The following KIF17 variants were observed in gnomAD, a reference collection of about 807,000 sequenced individuals.
KIF17 encodes kinesin-like protein KIF17.
In KIF17, 80 loss-of-function variants were observed where a neutral mutation model predicts 96.8. The ratio of observed to expected loss-of-function variants is 0.83; its 90% CI spans 0.69 to 1.00. KIF17 has a LOEUF of 1.00. Among genes scored for constraint, KIF17 ranks in the 50% least tolerant of loss-of-function variants. KIF17 has a pLI of 0.00. For synonymous variants in KIF17, 567 were observed against 587.5 expected, an observed-to-expected ratio of 0.97 and a Z score of 0.51; for missense variants, 1,280 against 1,372.9, an observed-to-expected ratio of 0.93 and a Z score of 1.07.
At chr1:20,692,634 AT>A (rs1335084261) in intron 6 of KIF17, 2 of 151,914 alleles carry the variant, frequency 1.3e-5, no homozygotes, top group African/African-American at 4.8e-5. Context: ...CTGAGCTTCT[AT>A]TATGCTATTT....
At chr1:20,669,842 G>C (rs2053606347) in intron 13 of KIF17, among the ~76,000 whole-genome samples, 1 of 111,708 alleles carries the variant, frequency 9.0e-6, no homozygotes. Flanking sequence ...CTCCGGCCTG[G>C]TGACAGAGCG....
chr1:20,686,207 C>T (rs2053936358), intron 8 of KIF17, 81 bp from the exon 9 acceptor site: 2 of 1,208,400 alleles, frequency 1.7e-6, no homozygotes, highest in Non-Finnish European at 1.2e-6. Context: ...CCTGGCCTCA[C>T]TTCAACTCCC....
intron 13 of KIF17, among the ~76,000 whole-genome samples, chr1:20,668,229 G>T (rs959446452): frequency 6.6e-6 from 1 of 151,942 alleles, no homozygotes; most frequent in Middle Eastern, 3.4e-3. Context: ...AGAATGGTGT[G>T]AACCTGGGAG....
intron 11 of KIF17, among the ~76,000 whole-genome samples, chr1:20,674,352 C>G (rs1035552162): frequency 5.3e-5 from 8 of 152,170 alleles, no homozygotes; most frequent in Non-Finnish European, 1.2e-4. Context: ...CCTCGACCTC[C>G]CAGTCCTCCC....
chr1:20,707,990 T>C (rs950227404), intron 4 of KIF17, among the ~76,000 whole-genome samples: 1 of 151,868 alleles, frequency 6.6e-6, no homozygotes, highest in African/African-American at 2.4e-5. Context: ...TTCCCTACCA[T>C]TCCCTACTTT....
At chr1:20,663,424 G>C (rs1219174635), downstream of KIF17, among the ~76,000 whole-genome samples, 1 of 152,074 alleles carries the variant, frequency 6.6e-6, no homozygotes, top group Non-Finnish European at 1.5e-5. Context: ...GGGAGGAGGA[G>C]GACTAACACA....
At chr1:20,701,216 G>A (rs373706085) in intron 5 of KIF17, among the ~76,000 whole-genome samples, 92 of 152,176 alleles carry the variant, frequency 6.0e-4, no homozygotes, top group Middle Eastern at 3.4e-3. Flanking sequence ...GGCGAATCAC[G>A]AGGTCCTGAT....
chr1:20,703,142 T>G (rs2054267037), intron 5 of KIF17, among the ~76,000 whole-genome samples: 1 of 150,202 alleles, frequency 6.7e-6, no homozygotes, highest in African/African-American at 2.4e-5. Flanking sequence ...GATGGGTAGG[T>G]GGGTAGATAG....
At position 20,715,354 on chromosome 1, in the gene KIF17, C is replaced by G. The variant is rs1013248177; in HGVS notation, c.378+139G>C. 6 of 1,134,728 alleles carry G rather than the reference C, an allele frequency of 5.3e-6. No individual in the cohort carries two copies. In the African/African-American group the frequency reaches 7.7e-5, roughly 15 times the overall value. 70.3% of individuals were successfully genotyped at this position (1,134,728 alleles called of 1,614,324 possible). On this transcript the variant is annotated intron_variant, in intron 2 of 14. Coordinates refer to ENST00000400463, the MANE Select transcript of KIF17 (RefSeq NM_001122819.3). ...CTAAGTTTTTTTCCCACCACCTTTT[C>G]AGAACCCAGAGCCTTCTCTGCTGAT...
At chr1:20,678,007 G>A (rs997770424) in intron 11 of KIF17, among the ~76,000 whole-genome samples, 5 of 152,224 alleles carry the variant, frequency 3.3e-5, no homozygotes, top group African/African-American at 9.7e-5. Flanking sequence ...TTGTGTGTGT[G>A]TATATTGGTC....
chr1:20,717,381 T>C (rs568936933), intron 1 of KIF17, 95 bp downstream of exon 1: 60 of 1,452,710 alleles, frequency 4.1e-5, no homozygotes, highest in Non-Finnish European at 5.4e-5. Flanking sequence ...CTCGAGGGCC[T>C]TTCCTCCTGG....
intron 1 of KIF17, among the ~76,000 whole-genome samples, chr1:20,717,062 G>A (rs1000130630): frequency 2.0e-5 from 3 of 152,164 alleles, no homozygotes; most frequent in Non-Finnish European, 4.4e-5. Flanking sequence ...CCATTCGGCC[G>A]GACGCGGTGC....
Position 20,704,052 on chromosome 1 carries a change from T to C in KIF17, c.1123+395A>G, listed in dbSNP as rs756951709. ...GCAAAAGCTGCAGTAACAAGGTGCC[T>C]GCGAGGAGCAGGTGTGGCCGTGGGG... On this transcript the variant is annotated intron_variant, in intron 5 of 14. Transcript: ENST00000400463. This position sits in a 1 kb window ranked among gnomAD's most constrained non-coding sequence, Gnocchi z 6.8. Among the ~76,000 whole-genome samples the C allele has an allele frequency of 1.3e-5, 2 of 151,442 alleles. No homozygotes were observed. Among genetic ancestry groups the C allele is most frequent in the Non-Finnish European group, 2.9e-5 (2 of 67,888 alleles).
intron 13 of KIF17, among the ~76,000 whole-genome samples, 178 bp downstream of exon 13, chr1:20,670,243 G>T (rs1279632581): frequency 3.9e-5 from 6 of 152,180 alleles, no homozygotes; most frequent in Non-Finnish European, 8.8e-5. Flanking sequence ...GGCCAGAGGG[G>T]GTTGAGGGTC....
At chr1:20,712,803 A>T (rs1261514379) in intron 3 of KIF17, among the ~76,000 whole-genome samples, 1 of 42,404 alleles carries the variant, frequency 2.4e-5, no homozygotes, top group African/African-American at 7.9e-5. Flanking sequence ...TAAATAGATA[A>T]TATCTATATA....
downstream of KIF17, among the ~76,000 whole-genome samples, chr1:20,662,698 A>T (rs561504756): frequency 6.6e-6 from 1 of 151,996 alleles, no homozygotes; most frequent in African/African-American, 2.4e-5. Flanking sequence ...CTCCACCTAC[A>T]CTCATCTCAG....
intron 11 of KIF17, among the ~76,000 whole-genome samples, chr1:20,682,211 C>T (rs889921243): frequency 4.6e-5 from 7 of 152,188 alleles, no homozygotes; most frequent in African/African-American, 1.4e-4. Flanking sequence ...ACACACAACA[C>T]ACACACTGGG....
chr1:20,664,649 C>T lies in KIF17; in HGVS notation c.3022G>A (p.Asp1008Asn), dbSNP rs780045651. Residue 1008 changes from aspartate to asparagine, a missense_variant, in exon 15 of 15, where the codon GAC becomes AAC. Coordinates refer to ENST00000400463, the MANE Select transcript of KIF17 (RefSeq NM_001122819.3). ...QPRPFRLESL[D>N]IPFTKAKRKK... ...CGCTTGGCCTTGGTGAAAGGGATGT[C>T]GAGGGACTCGAGGCGGAAGGGCCGG... The T allele has an allele frequency of 1.2e-5, 16 of 1,345,092 alleles. No homozygotes were observed. The highest frequency in any genetic ancestry group is 3.4e-5 in the South Asian group (3 of 87,318). The allele number at this position is 1,345,092 out of a possible 1,614,324, so 83.3% of individuals were successfully genotyped here. A position where few individuals can be genotyped will look rare whatever the true frequency, so the allele number is the denominator to read the frequency against.
At chr1:20,669,915 C>T (rs928416372) in intron 13 of KIF17, among the ~76,000 whole-genome samples, 2 of 135,842 alleles carry the variant, frequency 1.5e-5, no homozygotes, top group African/African-American at 5.6e-5. Context: ...CAACCACCAC[C>T]ACCCATGCTT....
Sources: allele counts gnomAD v4.1 joint callset (sites outside exome capture counted in the v4.1 genomes callset), GRCh38; gene constraint gnomAD v4.1.1; non-coding constraint Gnocchi (gnomAD v3.1); transcripts MANE v1.5; gene names NCBI Gene and HGNC (gene_info 2026-07-23, HGNC 2026-07-21).